JAKMIP3: variants seen among roughly 807,000 people sequenced by gnomAD.
JAKMIP3 encodes Janus kinase and microtubule interacting protein 3.
JAKMIP3 carries 58 observed loss-of-function variants against 118.5 expected under a neutral mutation model. The observed-to-expected ratio is 0.49, with a 90% CI of 0.40 to 0.61. The LOEUF is 0.61. JAKMIP3 is among the 20% of genes least tolerant of loss of function. JAKMIP3 has a pLI of 0.00. For missense variants in JAKMIP3, 950 were observed against 1,109.0 expected (o/e 0.86, Z 2.04); for synonymous variants, 486 against 451.2 (o/e 1.08, Z -0.98).
At chr10:132,155,751 C>G (rs1484600429) in intron 19 of JAKMIP3, among the ~76,000 whole-genome samples, 1 of 152,176 alleles carries the variant, frequency 6.6e-6, no homozygotes, top group Admixed American at 6.5e-5. Context: ...CTATTGCTGA[C>G]CAGCAGTGTG....
intron 1 of JAKMIP3, among the ~76,000 whole-genome samples, chr10:132,101,422 T>C (rs1189368691): frequency 2.0e-5 from 3 of 152,178 alleles, no homozygotes; most frequent in Non-Finnish European, 4.4e-5. Context: ...AATTAGAAAT[T>C]AGCTCCTGGG....
intron 16 of JAKMIP3, 117 bp downstream of exon 16, chr10:132,150,158 T>TAGTGGAGGGTCTCAGGCA: frequency 1.3e-6 from 1 of 742,206 alleles, no homozygotes; most frequent in Non-Finnish European, 2.2e-6. Context: ...CCACCCTGCC[T>TAGTGGAGGGTCTCAGGCA]GAGACCCTCC....
rs111826003 is a variant in JAKMIP3 at position 132,109,079 on chromosome 10, T to C, written c.135+4136T>C. On this transcript the variant is annotated intron_variant, in intron 2 of 23. Coordinates refer to ENST00000684848, the MANE Select transcript of JAKMIP3 (RefSeq NM_001323087.2). ...ACATGCACATATACACACATACACA[T>C]ATATATACACACACATATATATATA... Among the ~76,000 whole-genome samples the C allele has an allele frequency of 3.7e-3, 315 of 85,068 alleles. 10 individuals carry two copies. The highest frequency in any genetic ancestry group is 7.4e-3 in the Middle Eastern group (1 of 136). The allele number at this position is 85,068 out of a possible 152,430, so 55.8% of individuals were successfully genotyped here.
chr10:132,171,361 C>A (rs1284202759), intron 23 of JAKMIP3, among the ~76,000 whole-genome samples: 1 of 152,246 alleles, frequency 6.6e-6, no homozygotes, highest in Non-Finnish European at 1.5e-5. Context: ...CAACCCCACA[C>A]CCATGGGAAG....
chr10:132,140,355 T>G, intron 9 of JAKMIP3, 96 bp from the exon 10 acceptor site: 2 of 1,517,582 alleles, frequency 1.3e-6, no homozygotes, highest in Non-Finnish European at 1.8e-6. Flanking sequence ...AGGGTGGGGC[T>G]GCGGCCCCCA....
At chr10:132,130,976 C>A (rs566533029) in intron 3 of JAKMIP3, among the ~76,000 whole-genome samples, 77 of 148,986 alleles carry the variant, frequency 5.2e-4, no homozygotes, top group Middle Eastern at 3.4e-3. Flanking sequence ...AGACACTGTG[C>A]GGGGCATGCT....
chr10:132,055,129 G>A (rs1437932007), intron 1 of JAKMIP3, among the ~76,000 whole-genome samples: 1 of 152,178 alleles, frequency 6.6e-6, no homozygotes, highest in Non-Finnish European at 1.5e-5. Context: ...CCAGGGGCCT[G>A]AGCAGTGATT....
chr10:132,055,025 C>T (rs2038201822), intron 1 of JAKMIP3, among the ~76,000 whole-genome samples: 2 of 152,160 alleles, frequency 1.3e-5, no homozygotes, highest in Non-Finnish European at 2.9e-5. Context: ...ACCGAGGATC[C>T]TCCGGTGCAC....
chr10:132,046,575 C>G (rs1299378512), intron 1 of JAKMIP3, among the ~76,000 whole-genome samples: 1 of 152,174 alleles, frequency 6.6e-6, no homozygotes, highest in African/African-American at 2.4e-5. Flanking sequence ...CTCACCGCCT[C>G]GTGCTGTTCA....
intron 2 of JAKMIP3, among the ~76,000 whole-genome samples, chr10:132,113,512 C>A (rs189373691): frequency 1.1e-3 from 175 of 152,322 alleles, no homozygotes; most frequent in Admixed American, 2.2e-3. Flanking sequence ...CTGCTAAGGA[C>A]GTTAGGTTGT....
intron 3 of JAKMIP3, among the ~76,000 whole-genome samples, 155 bp from the exon 4 acceptor site, chr10:132,133,157 C>T (rs1336756901): frequency 1.3e-5 from 2 of 152,196 alleles, no homozygotes; most frequent in Non-Finnish European, 2.9e-5. Flanking sequence ...TGTCGTGCCT[C>T]AGCCCAGGGC....
At position 132,078,482 on chromosome 10, in the gene JAKMIP3, T is replaced by G. The variant is rs564251584; in HGVS notation, c.-138+12421T>G. Among the ~76,000 whole-genome samples, 139 of 152,338 alleles carry G rather than the reference T, an allele frequency of 9.1e-4. 1 individual carries two copies. The highest frequency in any genetic ancestry group is 3.2e-3 in the African/African-American group (133 of 41,574). On this transcript the variant is annotated intron_variant, in intron 1 of 23. Transcript: ENST00000684848. The stretch of plus-strand genomic sequence containing the variant: ...TTGACTTTTTTCACCTTTAATTCCC[T>G]TTAATCCATTTAGAATTTTAAGGTA...
At chr10:132,139,068 G>GTGTGTA (rs1554946060) in intron 9 of JAKMIP3, among the ~76,000 whole-genome samples, 2 of 145,936 alleles carry the variant, frequency 1.4e-5, no homozygotes, top group Non-Finnish European at 3.0e-5. Flanking sequence ...GTGTGTGTGT[G>GTGTGTA]TATGTGTATG....
chr10:132,066,453 C>A (rs1003906898), intron 1 of JAKMIP3, among the ~76,000 whole-genome samples: 1 of 152,190 alleles, frequency 6.6e-6, no homozygotes, highest in Non-Finnish European at 1.5e-5. Context: ...ATCCCACGGA[C>A]ATAGCACCAG....
chr10:132,070,048 A>G (rs7899058), intron 1 of JAKMIP3, among the ~76,000 whole-genome samples: 118,737 of 152,112 alleles, frequency 0.78, 47,125 homozygotes, highest in East Asian at 1. Flanking sequence ...GCGGCTGCTG[A>G]TGTACCACCC....
At chr10:132,170,924 AT>A (rs1466813485) in intron 23 of JAKMIP3, among the ~76,000 whole-genome samples, 8 of 152,188 alleles carry the variant, frequency 5.3e-5, no homozygotes, top group Non-Finnish European at 7.3e-5. Flanking sequence ...GTGTGAGTCA[AT>A]TGGCCCCAAG....
intron 19 of JAKMIP3, among the ~76,000 whole-genome samples, chr10:132,159,724 A>AAG: frequency 2.8e-5 from 1 of 35,096 alleles, no homozygotes; most frequent in Non-Finnish European, 4.9e-5. Flanking sequence ...TGCTGGGGGC[A>AAG]TGTCTTCCTG....
At position 132,111,354 on chromosome 10, in the gene JAKMIP3, C is replaced by CA. The variant is rs201274098; in HGVS notation, c.136-5723_136-5722insA. Among the ~76,000 whole-genome samples the CA allele has an allele frequency of 1.1e-3, 162 of 151,962 alleles. 1 individual carries two copies. Among genetic ancestry groups the CA allele is most frequent in the Admixed American group, 3.2e-3 (49 of 15,266 alleles). ...GAAGTGGCCTTGGAGCAGAGACCCC[C>CA]CCCATGAGCACAGCAAGGTCCCAGG... On this transcript the variant is annotated intron_variant, in intron 2 of 23. Transcript: ENST00000684848.
chr10:132,096,815 G>A (rs2043930369), intron 1 of JAKMIP3, among the ~76,000 whole-genome samples: 2 of 152,208 alleles, frequency 1.3e-5, no homozygotes, highest in African/African-American at 4.8e-5. Flanking sequence ...CAGACCCCAG[G>A]AATGACGCCA....
Sources: gnomAD v4.1 joint callset for allele counts (sites outside exome capture counted in the v4.1 genomes callset) on GRCh38, gnomAD v4.1.1 for gene constraint, MANE v1.5 for transcripts, NCBI Gene and HGNC (gene_info 2026-07-23, HGNC 2026-07-21) for gene names.